Variants in XPR1 observed in about 807,000 individuals in gnomAD.
XPR1 encodes the protein xenotropic and polytropic retrovirus receptor 1, also known as solute carrier family 53 member 1.
Under a neutral mutation model 87.5 loss-of-function variants are expected in XPR1, and 28 were observed. That is an observed-to-expected ratio of 0.32 (90% CI 0.24 to 0.44). The LOEUF (loss-of-function observed/expected upper bound fraction) is 0.44, where lower values mean the gene tolerates loss of function less well. XPR1 is among the 20% of genes least tolerant of loss of function. The pLI, the probability that XPR1 is intolerant of heterozygous loss-of-function variation, is 1.00. For synonymous variants in XPR1, 300 were observed against 306.1 expected, an observed-to-expected ratio of 0.98 and a Z score of 0.21; for missense variants, 559 against 862.3, an observed-to-expected ratio of 0.65 and a Z score of 4.41.
chr1:180,820,262 A>G (rs886727350), intron 7 of XPR1, among the ~76,000 whole-genome samples: 12 of 152,130 alleles, frequency 7.9e-5, no homozygotes, highest in African/African-American at 2.9e-4. Context: ...TCATCAGCCC[A>G]AAAGGAAACC....
chr1:180,714,561 T>C (rs1657924385), intron 2 of XPR1, among the ~76,000 whole-genome samples: 1 of 151,902 alleles, frequency 6.6e-6, no homozygotes, highest in African/African-American at 2.4e-5. Flanking sequence ...CATGCCACCA[T>C]GCCCAGCTAA....
At chr1:180,685,943 T>A (rs1656756493) in intron 2 of XPR1, among the ~76,000 whole-genome samples, 2 of 152,194 alleles carry the variant, frequency 1.3e-5, no homozygotes, top group South Asian at 4.1e-4. Context: ...AACCAGCTCC[T>A]GGATTCATTA....
At chr1:180,834,064 T>G (rs1271120661) in intron 9 of XPR1, among the ~76,000 whole-genome samples, 2 of 151,920 alleles carry the variant, frequency 1.3e-5, no homozygotes, top group Admixed American at 6.6e-5. Context: ...GTGTTTGACT[T>G]AGAAATGTAC....
intron 11 of XPR1, among the ~76,000 whole-genome samples, chr1:180,853,843 A>C (rs1400978862): frequency 7.0e-6 from 1 of 143,454 alleles, no homozygotes; most frequent in African/African-American, 2.6e-5. Context: ...TTTTTCTTGA[A>C]ATCAGTGGGA....
chr1:180,783,812 T>TG (rs1270467076), intron 2 of XPR1, among the ~76,000 whole-genome samples: 2 of 151,936 alleles, frequency 1.3e-5, no homozygotes, highest in African/African-American at 4.8e-5. Context: ...CCCAGCACTT[T>TG]GGGAGGCCGA....
Position 180,889,936 on chromosome 1 carries a change from CTCTT to C in XPR1, c.*5874_*5877del, listed in dbSNP as rs1006852669. ...CCTTCCCTCTTTTTTCTCCCTCACT[CTCTT>C]TCTCAGTCTCCACTCTGGTAAATGG... On this transcript the variant is annotated 3_prime_UTR_variant, in exon 15 of 15. Transcript: ENST00000367590. 1.3e-5 allele frequency: 2 copies of C among 152,164 alleles called. No homozygotes were observed. The highest frequency in any genetic ancestry group is 2.4e-5 in the African/African-American group (1 of 41,434). The allele number at this position is 152,164 out of a possible 1,614,324, so 9.4% of individuals were successfully genotyped here.
At chr1:180,754,586 G>A (rs771076600) in intron 2 of XPR1, among the ~76,000 whole-genome samples, 5 of 151,974 alleles carry the variant, frequency 3.3e-5, no homozygotes, top group African/African-American at 7.2e-5. Context: ...TAGGCTTCCC[G>A]AGTATCTGGG....
chr1:180,672,656 A>G (rs1656220378), intron 1 of XPR1, among the ~76,000 whole-genome samples: 1 of 152,320 alleles, frequency 6.6e-6, no homozygotes, highest in East Asian at 1.9e-4. Context: ...TGACTTGTAC[A>G]TTATTCACCC....
intron 7 of XPR1, among the ~76,000 whole-genome samples, chr1:180,820,613 G>A (rs72723040): frequency 6.6e-6 from 1 of 152,280 alleles, no homozygotes; most frequent in Non-Finnish European, 1.5e-5. Flanking sequence ...TTTAGTACCT[G>A]TTTAATTTTC....
intron 1 of XPR1, among the ~76,000 whole-genome samples, chr1:180,660,274 A>C (rs184755509): frequency 8.6e-5 from 13 of 152,020 alleles, no homozygotes; most frequent in Admixed American, 6.5e-4. Flanking sequence ...AGTCTGGCTG[A>C]AAGGTTTGTC....
intron 11 of XPR1, among the ~76,000 whole-genome samples, chr1:180,849,733 A>G (rs1347797084): frequency 6.6e-6 from 1 of 152,204 alleles, no homozygotes. Flanking sequence ...TGGATCAATG[A>G]ATCTTGGGCA....
At chr1:180,636,503 A>G (rs563350938) in intron 1 of XPR1, among the ~76,000 whole-genome samples, 1 of 152,314 alleles carries the variant, frequency 6.6e-6, no homozygotes, top group Non-Finnish European at 1.5e-5. Flanking sequence ...TGGAAAGATT[A>G]TACTTGTCCG....
At chr1:180,655,400 CTTT>C (rs994780324) in intron 1 of XPR1, among the ~76,000 whole-genome samples, 13 of 131,442 alleles carry the variant, frequency 9.9e-5, no homozygotes, top group Admixed American at 2.3e-4. Flanking sequence ...CTCTCTCTCT[CTTT>C]TTTTTTTTTT....
chr1:180,821,773 G>A (rs1280377010), intron 7 of XPR1, among the ~76,000 whole-genome samples: 1 of 152,106 alleles, frequency 6.6e-6, no homozygotes, highest in Non-Finnish European at 1.5e-5. Flanking sequence ...ATTTCTAGAT[G>A]TTTTATTCTT....
intron 11 of XPR1, among the ~76,000 whole-genome samples, chr1:180,862,185 T>A (rs1652246121): frequency 6.6e-6 from 1 of 152,098 alleles, no homozygotes; most frequent in Non-Finnish European, 1.5e-5. Context: ...CAACTATTTT[T>A]TTTTTAACTA....
Position 180,825,321 on chromosome 1 carries a change from C to A in XPR1, c.1111C>A (p.Arg371=), listed in dbSNP as rs760728379. Residue 371 remains arginine, a synonymous_variant, in exon 9 of 15, where the codon CGG becomes AGG. Transcript: ENST00000367590. ...CACCAAAACTTTCTACTATAAATCC[C>A]GGTTTTGGCTGCTTAAACTGCTGGT... ...NPTKTFYYKS[R]FWLLKLLFRV... 4.3e-5 allele frequency: 70 copies of A among 1,613,086 alleles called. No individual in the cohort carries two copies. The highest frequency in any genetic ancestry group is 5.7e-5 in the Non-Finnish European group (67 of 1,179,776).
intron 2 of XPR1, among the ~76,000 whole-genome samples, chr1:180,707,179 T>A (rs1323614229): frequency 2.6e-5 from 4 of 152,206 alleles, no homozygotes; most frequent in African/African-American, 9.6e-5. Context: ...CAGGATAGAT[T>A]TTTAAATCAT....
chr1:180,789,976 A>G (rs1472344699), intron 3 of XPR1, among the ~76,000 whole-genome samples: 1 of 152,080 alleles, frequency 6.6e-6, no homozygotes, highest in African/African-American at 2.4e-5. Context: ...TCATGCTCCA[A>G]AGTGCTTTTG....
chr1:180,637,132 G>A (rs1193437282), intron 1 of XPR1, among the ~76,000 whole-genome samples: 1 of 149,526 alleles, frequency 6.7e-6, no homozygotes, highest in East Asian at 2.0e-4. Flanking sequence ...AGAAAAGGAA[G>A]AAATACAATT....
Sources: allele counts gnomAD v4.1 joint callset (sites outside exome capture counted in the v4.1 genomes callset), GRCh38; gene constraint gnomAD v4.1.1; transcripts MANE v1.5; gene names NCBI Gene and HGNC (gene_info 2026-07-23, HGNC 2026-07-21).